The following ZNF587 variants were observed in gnomAD, a reference collection of about 807,000 sequenced individuals.
ZNF587 encodes zinc finger protein zfp6.
ZNF587 carries 8 observed loss-of-function variants against 7.5 expected under a neutral mutation model. The ratio of observed to expected loss-of-function variants is 1.06; its 90% CI spans 0.62 to 1.92. The LOEUF is 1.92. Ranked by LOEUF, ZNF587 falls within the 40% of genes most tolerant of loss-of-function variation. The pLI is 0.00. For synonymous variants in ZNF587, 145 were observed against 237.8 expected, an observed-to-expected ratio of 0.61 and a Z score of 3.59; for missense variants, 468 against 692.8, an observed-to-expected ratio of 0.68 and a Z score of 3.64.
chr19:57,852,444 A>C lies in ZNF587; in HGVS notation c.33+2373A>C, dbSNP rs183685117. On this transcript the variant is annotated intron_variant, in intron 1 of 2. Transcript: ENST00000339656. ...AGAGATAAGGCTCCTGCCATAATCC[A>C]GGTGAGGGTTAATGGATCAGATAAG... The C allele has an allele frequency of 5.7e-4, 227 of 398,708 alleles. No individual in the cohort carries two copies. The East Asian group carries it at 7.6e-3, about 13-fold the overall frequency. 24.7% of individuals were successfully genotyped at this position (398,708 alleles called of 1,614,324 possible). A position where few individuals can be genotyped will look rare whatever the true frequency, so the allele number is the denominator to read the frequency against.
Position 57,859,778 on chromosome 19 carries a change from A to G in ZNF587, c.1366A>G (p.Arg456Gly), listed in dbSNP as rs776237453. 2.5e-6 allele frequency: 4 copies of G among 1,613,130 alleles called. No homozygotes were observed. The highest frequency in any genetic ancestry group is 3.4e-6 in the Non-Finnish European group (4 of 1,179,814). Residue 456 changes from arginine to glycine, a missense_variant, in exon 3 of 3, where the codon AGA becomes GGA. This residue lies in a region of ZNF587 where 310 missense variants were observed against 325.6 expected (regional missense o/e 0.95). Coordinates refer to ENST00000339656, the MANE Select transcript of ZNF587 (RefSeq NM_032828.4). The part of the protein sequence containing the change: ...NRKYHLLVHE[R>G]VHTGERPYAC... ...GAAGTATCATCTTCTGGTTCATGAG[A>G]GAGTTCACACTGGAGAAAGGCCATA...
rs2071420092 is a variant in ZNF587, at chr19:57,860,434, A to G, written c.*294A>G. ...TGAGTACACACCACCACGCCCAGCT[A>G]ATTTTTGTGTTTTTAGTGGAGATGG... On this transcript the variant is annotated 3_prime_UTR_variant, in exon 3 of 3. Coordinates refer to ENST00000339656, the MANE Select transcript of ZNF587 (RefSeq NM_032828.4). The G allele has an allele frequency of 8.9e-6, 4 of 448,706 alleles. No individual in the cohort carries two copies. The highest frequency in any genetic ancestry group is 7.9e-5 in the African/African-American group (4 of 50,682). The allele number at this position is 448,706 out of a possible 1,614,324, so 27.8% of individuals were successfully genotyped here.
rs559329140 is a variant in ZNF587, at chr19:57,854,889, A to C, written c.34-1215A>C. Among the ~76,000 whole-genome samples the C allele has an allele frequency of 1.2e-4, 18 of 151,976 alleles. No homozygotes were observed. The South Asian group carries it at 2.7e-3, about 23-fold the overall frequency. On this transcript the variant is annotated intron_variant, in intron 1 of 2. Coordinates refer to ENST00000339656, the MANE Select transcript of ZNF587 (RefSeq NM_032828.4). ...AACCCCGTCTCTACTAAAAAAAAAA[A>C]ATACAGGCCAGGCATGGTGGCTCAA...
chr19:57,858,231 A>G (rs1336667785), intron 2 of ZNF587: 1 of 286,690 alleles, frequency 3.5e-6, no homozygotes, highest in Non-Finnish European at 6.5e-6. Context: ...GGTTCAAATG[A>G]TTCTCCTGCT....
chr19:57,850,639 G>A, intron 1 of ZNF587: 1 of 399,642 alleles, frequency 2.5e-6, no homozygotes, highest in Non-Finnish European at 4.4e-6. Flanking sequence ...CCCGAGTCCT[G>A]CGGAGACAAA....
intron 1 of ZNF587, among the ~76,000 whole-genome samples, chr19:57,853,582 A>T (rs1488563332): frequency 2.0e-5 from 3 of 152,110 alleles, no homozygotes; most frequent in African/African-American, 7.2e-5. Context: ...CTTCCTAAAC[A>T]CCTGAGAGGG....
chr19:57,850,155 G>A (rs543643126), intron 1 of ZNF587, 84 bp downstream of exon 1: 3 of 1,612,324 alleles, frequency 1.9e-6, no homozygotes, highest in African/African-American at 2.7e-5. Flanking sequence ...CCTGCTCGTG[G>A]GTCTGTAGCC....
intron 1 of ZNF587, chr19:57,852,535 T>C (rs1340682015): frequency 2.3e-5 from 9 of 396,430 alleles, no homozygotes; most frequent in Admixed American, 4.4e-5. Context: ...GTTTTCTTTT[T>C]TTTTTCTTAA....
rs2071438802 is a variant in ZNF587, at chr19:57,861,974, A to T, written c.*1834A>T. 1 of 151,972 alleles carries T rather than the reference A, an allele frequency of 6.6e-6. No homozygotes were observed. The highest frequency in any genetic ancestry group is 2.4e-5 in the African/African-American group (1 of 41,344). The allele number at this position is 151,972 out of a possible 1,614,324, so 9.4% of individuals were successfully genotyped here. ...ATTTTAGTAGAGATGGGGTTTCACC[A>T]TGTTACCCAGGCTGCTCTCTACCTT... On this transcript the variant is annotated 3_prime_UTR_variant, in exon 3 of 3. Coordinates refer to ENST00000339656, the MANE Select transcript of ZNF587 (RefSeq NM_032828.4).
chr19:57,855,846 C>T, intron 1 of ZNF587: 2 of 467,464 alleles, frequency 4.3e-6, no homozygotes, highest in Admixed American at 4.1e-5. Flanking sequence ...CAGGCGTGAG[C>T]CACCGCACCC....
intron 2 of ZNF587, chr19:57,857,023 C>G (rs941695604): frequency 3.9e-5 from 6 of 152,032 alleles, no homozygotes; most frequent in African/African-American, 1.5e-4. Flanking sequence ...TTACCTTACT[C>G]TCCTGTGGGC....
chr19:57,862,055 T>A lies in ZNF587; in HGVS notation c.*1915T>A, dbSNP rs1276890175. On this transcript the variant is annotated 3_prime_UTR_variant, in exon 3 of 3. Transcript: ENST00000339656. ...TCCCAAAGTGCTGGGATTACAGGTG[T>A]CAGCCACTGTACCTGGCTGAATACT... is the stretch of plus-strand genomic sequence containing the variant. 1 of 152,148 alleles carries A rather than the reference T, an allele frequency of 6.6e-6. No individual in the cohort carries two copies. Among genetic ancestry groups the A allele is most frequent in the African/African-American group, 2.4e-5 (1 of 41,410 alleles). The allele number at this position is 152,148 out of a possible 1,614,324, so 9.4% of individuals were successfully genotyped here.
At position 57,849,926 on chromosome 19, in the gene ZNF587, C is replaced by A; in HGVS notation, c.-113C>A. 6.3e-7 allele frequency: 1 copy of A among 1,597,938 alleles called. No homozygotes were observed. Among genetic ancestry groups the A allele is most frequent in the East Asian group, 2.2e-5 (1 of 44,538 alleles). ...GTGGCCCCTGAGTGCTGGGTGGGAC[C>A]GCGGTGACTGAACCTAGAAGGTGGA... On this transcript the variant is annotated 5_prime_UTR_variant, in exon 1 of 3. Coordinates refer to ENST00000339656, the MANE Select transcript of ZNF587 (RefSeq NM_032828.4).
chr19:57,850,313 C>A, intron 1 of ZNF587: 1 of 654,598 alleles, frequency 1.5e-6, no homozygotes, highest in South Asian at 2.0e-5. Flanking sequence ...GCAGAGCCGT[C>A]CTGCTGTTCG....
intron 1 of ZNF587, chr19:57,851,925 G>C (rs986213030): frequency 6.2e-6 from 1 of 161,402 alleles, no homozygotes; most frequent in Non-Finnish European, 1.3e-5. Context: ...CCAGCCTTAG[G>C]GTTACCTGGT....
Position 57,849,923 on chromosome 19 carries a change from G to C in ZNF587, c.-116G>C. The C allele has an allele frequency of 6.3e-7, 1 of 1,595,180 alleles. No homozygotes were observed. The highest frequency in any genetic ancestry group is 8.5e-7 in the Non-Finnish European group (1 of 1,170,276). On this transcript the variant is annotated 5_prime_UTR_variant, in exon 1 of 3. Coordinates refer to ENST00000339656, the MANE Select transcript of ZNF587 (RefSeq NM_032828.4). ...TTTGTGGCCCCTGAGTGCTGGGTGGGACCGCGGTGACTGAACCTAGAAGGT... is the reference window on the plus strand; with the variant it reads ...TTTGTGGCCCCTGAGTGCTGGGTGGCACCGCGGTGACTGAACCTAGAAGGT...
Position 57,858,583 on chromosome 19 carries a change from G to T in ZNF587, c.171G>T (p.Trp57Cys). ...GCATTTTCTTGCTTTCAGGTTGTTGGTGTGGATCAAAAGATGAGGAGGCAC... is the reference window on the plus strand; with the variant it reads ...GCATTTTCTTGCTTTCAGGTTGTTGTTGTGGATCAAAAGATGAGGAGGCAC... ...NLALISSLGC[W>C]CGSKDEEAPC... The change falls in exon 3 of 3, where the codon TGG (tryptophan) becomes TGT (cysteine). Residue 57 changes from tryptophan to cysteine, a missense_variant. Trp to Cys is a radical substitution (Grantham distance 215). Coordinates refer to ENST00000339656, the MANE Select transcript of ZNF587 (RefSeq NM_032828.4). 1.2e-6 allele frequency: 2 copies of T among 1,601,414 alleles called. No homozygotes were observed. Among genetic ancestry groups the T allele is most frequent in the African/African-American group, 1.3e-5 (1 of 74,128 alleles).
chr19:57,856,294 T>C (rs924763969), intron 2 of ZNF587, 61 bp downstream of exon 2: 10 of 1,531,700 alleles, frequency 6.5e-6, no homozygotes, highest in Non-Finnish European at 7.9e-6. Context: ...CTGTTTTTCA[T>C]TGACAGGACT....
chr19:57,851,925 G>T (rs986213030), intron 1 of ZNF587: 1 of 161,402 alleles, frequency 6.2e-6, no homozygotes, highest in Non-Finnish European at 1.3e-5. Context: ...CCAGCCTTAG[G>T]GTTACCTGGT....
Sources: allele counts gnomAD v4.1 joint callset (sites outside exome capture counted in the v4.1 genomes callset), GRCh38; gene constraint gnomAD v4.1.1; regional missense constraint gnomAD v4.1.1; transcripts MANE v1.5; gene names NCBI Gene and HGNC (gene_info 2026-07-23, HGNC 2026-07-21).